Variants in EML1 observed in about 807,000 individuals in gnomAD.
EML1 encodes EMAP like 1.
Under a neutral mutation model 110.4 loss-of-function variants are expected in EML1, and 27 were observed. The ratio of observed to expected loss-of-function variants is 0.24; its 90% CI spans 0.18 to 0.34. The LOEUF (loss-of-function observed/expected upper bound fraction) is 0.34, where lower values mean the gene tolerates loss of function less well. Among genes scored for constraint, EML1 ranks in the 10% least tolerant of loss-of-function variants. The probability of loss-of-function intolerance (pLI) is 1.00; values close to 1 mark genes in which losing one functional copy is unlikely to be tolerated. For missense variants in EML1, 741 were observed against 1,030.9 expected, an observed-to-expected ratio of 0.72 and a Z score of 3.85; for synonymous variants, 344 against 385.8, an observed-to-expected ratio of 0.89 and a Z score of 1.27.
At chr14:99,748,337 C>T (rs977587796) in intron 1 of EML1, among the ~76,000 whole-genome samples, 4 of 152,214 alleles carry the variant, frequency 2.6e-5, no homozygotes, top group South Asian at 4.1e-4. Context: ...CGTTTCTCCC[C>T]GGTTTCTGGG....
chr14:99,897,322 G>A (rs761196876), intron 7 of EML1, 28 bp downstream of exon 7: 26 of 1,559,848 alleles, frequency 1.7e-5, no homozygotes, highest in South Asian at 1.1e-4. Flanking sequence ...TCATTCCTGC[G>A]ACTCAGAAGG....
chr14:99,843,573 A>G (rs1224014850), intron 1 of EML1, among the ~76,000 whole-genome samples: 1 of 152,250 alleles, frequency 6.6e-6, no homozygotes, highest in Non-Finnish European at 1.5e-5. Flanking sequence ...TGTTTTATAC[A>G]TAGAGGCAGA....
At chr14:99,866,280 A>G (rs960224606) in intron 3 of EML1, among the ~76,000 whole-genome samples, 1 of 152,150 alleles carries the variant, frequency 6.6e-6, no homozygotes, top group African/African-American at 2.4e-5. Context: ...TGTAGAGTTC[A>G]GTAGTGCTGG....
At chr14:99,920,710 T>C (rs1203409347) in intron 16 of EML1, 79 bp from the exon 17 acceptor site, 1 of 1,137,994 alleles carries the variant, frequency 8.8e-7, no homozygotes, top group Non-Finnish European at 1.3e-6. Flanking sequence ...TGATTAACAA[T>C]TTTTATTCAT....
intron 2 of EML1, among the ~76,000 whole-genome samples, chr14:99,862,213 G>T (rs2059013818): frequency 6.6e-6 from 1 of 152,194 alleles, no homozygotes; most frequent in Admixed American, 6.5e-5. Context: ...CTTTAGGGAG[G>T]AAGGCACAGA....
chr14:99,869,784 G>T (rs148282316), intron 3 of EML1, among the ~76,000 whole-genome samples: 2 of 152,126 alleles, frequency 1.3e-5, no homozygotes, highest in Non-Finnish European at 2.9e-5. Context: ...CTTGCTCTGA[G>T]TTCACTCAAG....
exon 1 of EML1, chr14:99,737,822 T>TC (rs1214891725): frequency 2.9e-5 from 38 of 1,289,114 alleles, no homozygotes; most frequent in Non-Finnish European, 3.8e-5. Flanking sequence ...CGGCCGCCCA[T>TC]CTTCCACACC....
intron 9 of EML1, among the ~76,000 whole-genome samples, chr14:99,904,406 A>G (rs2059810449): frequency 6.6e-6 from 1 of 152,216 alleles, no homozygotes; most frequent in South Asian, 2.1e-4. Flanking sequence ...ATGCCTTCTT[A>G]TAATCTATTA....
intron 4 of EML1, among the ~76,000 whole-genome samples, chr14:99,884,549 C>G (rs569449590): frequency 1.8e-4 from 28 of 152,070 alleles, no homozygotes; most frequent in Admixed American, 1.6e-3. Context: ...AGATAATCCA[C>G]GGAATAGAAA....
intron 1 of EML1, among the ~76,000 whole-genome samples, chr14:99,793,947 CTCGGGAAACAAATCCTTT>C (rs2057721199): frequency 6.6e-6 from 1 of 152,064 alleles, no homozygotes; most frequent in Non-Finnish European, 1.5e-5. Context: ...GGATGAAGAA[CTCGGGAAACAAATCCTTT>C]AATAACAAAA....
chr14:99,816,857 T>C (rs779364136), intron 1 of EML1, among the ~76,000 whole-genome samples: 1 of 152,238 alleles, frequency 6.6e-6, no homozygotes, highest in Non-Finnish European at 1.5e-5. Flanking sequence ...CTCAAGCTTT[T>C]TGGTCTGTCT....
Position 99,913,167 on chromosome 14 carries a change from AT to A in EML1, c.1495-1010del, listed in dbSNP as rs386382316. Among the ~76,000 whole-genome samples, 171 of 73,152 alleles carry A rather than the reference AT, an allele frequency of 2.3e-3. 1 individual carries two copies. Among genetic ancestry groups the A allele is most frequent in the South Asian group, 0.02 (59 of 2,932 alleles). The allele number at this position is 73,152 out of a possible 152,430, so 48.0% of individuals were successfully genotyped here. On this transcript the variant is annotated intron_variant, in intron 13 of 21. Coordinates refer to ENST00000262233, the MANE Select transcript of EML1 (RefSeq NM_004434.3). ...TTTTAAGTTGTATTATGGCAGTGTTATTATTATTATTATTATTAATTATTAT... is the reference window on the plus strand; with the variant it reads ...TTTTAAGTTGTATTATGGCAGTGTTATATTATTATTATTATTAATTATTAT...
intron 3 of EML1, among the ~76,000 whole-genome samples, chr14:99,878,097 A>G (rs896528988): frequency 6.6e-6 from 1 of 151,892 alleles, no homozygotes; most frequent in African/African-American, 2.4e-5. Flanking sequence ...GCATTAGTAT[A>G]TTTTATATGT....
At chr14:99,907,919 G>A (rs1032871506) in intron 10 of EML1, among the ~76,000 whole-genome samples, 186 bp downstream of exon 10, 4 of 152,176 alleles carry the variant, frequency 2.6e-5, no homozygotes, top group African/African-American at 9.7e-5. Flanking sequence ...GTCCTGTTAG[G>A]GTTTTTTCTC....
intron 1 of EML1, among the ~76,000 whole-genome samples, chr14:99,844,357 T>A (rs2058675935): frequency 6.6e-6 from 1 of 151,862 alleles, no homozygotes; most frequent in South Asian, 2.1e-4. Context: ...TGTGTGCCTG[T>A]AGTCCCAGCT....
chr14:99,807,567 C>T (rs1386438307), intron 1 of EML1, among the ~76,000 whole-genome samples: 1 of 152,166 alleles, frequency 6.6e-6, no homozygotes, highest in Non-Finnish European at 1.5e-5. Context: ...GGGGCAGTTA[C>T]CAGACCTGGG....
intron 2 of EML1, among the ~76,000 whole-genome samples, chr14:99,855,584 A>G (rs2058889578): frequency 2.0e-5 from 3 of 152,158 alleles, no homozygotes; most frequent in Admixed American, 6.5e-5. Context: ...GGGATTGTCT[A>G]TTTTGTTATG....
chr14:99,888,206 A>G (rs1566919555), intron 4 of EML1, among the ~76,000 whole-genome samples: 1 of 152,186 alleles, frequency 6.6e-6, no homozygotes, highest in Non-Finnish European at 1.5e-5. Flanking sequence ...CATTCCTGCT[A>G]CCTAATCTGT....
intron 7 of EML1, among the ~76,000 whole-genome samples, 179 bp downstream of exon 7, chr14:99,897,473 T>C (rs76615676): frequency 0.021 from 3,198 of 152,264 alleles, 126 homozygotes; most frequent in African/African-American, 0.074. Flanking sequence ...ACGGTCAGTA[T>C]TGGGACATAA....
Sources: allele counts gnomAD v4.1 joint callset (sites outside exome capture counted in the v4.1 genomes callset), GRCh38; gene constraint gnomAD v4.1.1; transcripts MANE v1.5; gene names NCBI Gene and HGNC (gene_info 2026-07-23, HGNC 2026-07-21).